ENOX1: variants seen among roughly 807,000 people sequenced by gnomAD.
The protein encoded by ENOX1 is candidate growth-related and time keeping constitutive hydroquinone (NADH) oxidase.
In ENOX1, 42 loss-of-function variants were observed where a neutral mutation model predicts 82.5. The ratio of observed to expected loss-of-function variants is 0.51; its 90% CI spans 0.40 to 0.66. The LOEUF is 0.66. Ranked by LOEUF, ENOX1 falls within the 30% of genes least tolerant of loss-of-function variation. ENOX1 has a pLI of 0.00. For synonymous variants in ENOX1, 271 were observed against 282.2 expected (o/e 0.96, Z 0.40); for missense variants, 608 against 811.6 (o/e 0.75, Z 3.05).
intron 2 of ENOX1, among the ~76,000 whole-genome samples, chr13:43,553,623 C>T (rs1335399575): frequency 1.3e-5 from 2 of 152,136 alleles, no homozygotes; most frequent in Non-Finnish European, 2.9e-5. Context: ...GGATAATGAA[C>T]AAACAAAAAG....
At chr13:43,651,286 C>G (rs1385945010) in intron 2 of ENOX1, among the ~76,000 whole-genome samples, 1 of 151,922 alleles carries the variant, frequency 6.6e-6, no homozygotes, top group African/African-American at 2.4e-5. Context: ...AGAAGAGGAA[C>G]AGGGATGAAG....
chr13:43,641,986 C>T (rs984126328), intron 2 of ENOX1, among the ~76,000 whole-genome samples: 1 of 152,144 alleles, frequency 6.6e-6, no homozygotes, highest in Admixed American at 6.5e-5. Context: ...TGACTACTTA[C>T]TACGTAACAC....
intron 2 of ENOX1, among the ~76,000 whole-genome samples, chr13:43,580,087 A>G (rs773351431): frequency 6.6e-6 from 1 of 152,212 alleles, no homozygotes; most frequent in Non-Finnish European, 1.5e-5. Flanking sequence ...CCAGGTGCAG[A>G]CTTGAGAATG....
At chr13:43,357,106 G>C (rs2050205925) in intron 7 of ENOX1, among the ~76,000 whole-genome samples, 1 of 152,258 alleles carries the variant, frequency 6.6e-6, no homozygotes, top group South Asian at 2.1e-4. Flanking sequence ...CTTCAGTTTG[G>C]GGTACTCAGA....
chr13:43,668,489 C>CT (rs2153789366), intron 1 of ENOX1, among the ~76,000 whole-genome samples: 1 of 152,324 alleles, frequency 6.6e-6, no homozygotes, highest in East Asian at 1.9e-4. Flanking sequence ...GGCTAAATCT[C>CT]TTTTCTTTCC....
chr13:43,314,462 C>A (rs889527585), intron 11 of ENOX1, among the ~76,000 whole-genome samples: 2 of 152,240 alleles, frequency 1.3e-5, no homozygotes, highest in African/African-American at 4.8e-5. Context: ...CTAGCATCTT[C>A]AAGTCTTCGA....
chr13:43,300,056 G>T (rs1261676631), intron 11 of ENOX1, among the ~76,000 whole-genome samples: 1 of 152,116 alleles, frequency 6.6e-6, no homozygotes, highest in Non-Finnish European at 1.5e-5. Flanking sequence ...ACTCCATCTT[G>T]CAAAATGATA....
chr13:43,410,976 G>C (rs1478901176), intron 5 of ENOX1, among the ~76,000 whole-genome samples: 5 of 152,120 alleles, frequency 3.3e-5, no homozygotes, highest in Non-Finnish European at 7.3e-5. Context: ...ACCAGACAGC[G>C]GCTCAATGAG....
chr13:43,630,245 AAGAAC>A (rs1228797768), intron 2 of ENOX1, among the ~76,000 whole-genome samples: 1 of 152,176 alleles, frequency 6.6e-6, no homozygotes, highest in African/African-American at 2.4e-5. Flanking sequence ...TTGCATGTGT[AAGAAC>A]TAAGGTTGAG....
intron 4 of ENOX1, 152 bp downstream of exon 4, chr13:43,412,693 T>C: frequency 4.1e-6 from 3 of 725,054 alleles, no homozygotes; most frequent in South Asian, 2.5e-5. Context: ...AAATTTGACT[T>C]AGTGCTCTTT....
At chr13:43,770,110 T>C (rs1467952450) in intron 1 of ENOX1, among the ~76,000 whole-genome samples, 1 of 152,226 alleles carries the variant, frequency 6.6e-6, no homozygotes, top group Non-Finnish European at 1.5e-5. Flanking sequence ...TATCAGTAAA[T>C]CTAGAGTAAA....
chr13:43,585,053 A>G (rs2080916832), intron 2 of ENOX1, among the ~76,000 whole-genome samples: 1 of 152,216 alleles, frequency 6.6e-6, no homozygotes, highest in Non-Finnish European at 1.5e-5. Flanking sequence ...GATTATGCAG[A>G]TGTGATTAGG....
intron 14 of ENOX1, among the ~76,000 whole-genome samples, chr13:43,250,780 G>A (rs918668026): frequency 8.0e-4 from 122 of 152,154 alleles, no homozygotes; most frequent in African/African-American, 2.9e-3. Context: ...GGAGTCTATA[G>A]GGCAGCCAGC....
chr13:43,414,754 T>C (rs1594438566), intron 3 of ENOX1, among the ~76,000 whole-genome samples: 1 of 152,324 alleles, frequency 6.6e-6, no homozygotes, highest in African/African-American at 2.4e-5. Flanking sequence ...AAATGAAGTT[T>C]AGTGGCTAGC....
chr13:43,258,911 C>T (rs1440926551), intron 14 of ENOX1, among the ~76,000 whole-genome samples: 1 of 152,146 alleles, frequency 6.6e-6, no homozygotes, highest in Admixed American at 6.5e-5. Context: ...GAGAATGAGG[C>T]CTGATGGAAT....
At chr13:43,627,023 T>G (rs2082994189) in intron 2 of ENOX1, among the ~76,000 whole-genome samples, 1 of 152,012 alleles carries the variant, frequency 6.6e-6, no homozygotes, top group South Asian at 2.1e-4. Flanking sequence ...GATTGACCTT[T>G]GCATCATTAT....
chr13:43,265,501 C>T, intron 13 of ENOX1, 47 bp from the exon 14 acceptor site: 2 of 1,505,092 alleles, frequency 1.3e-6, no homozygotes, highest in East Asian at 2.3e-5. Context: ...AATGAATAAG[C>T]AAGCAAATCT....
At chr13:43,570,548 A>G (rs1240632571) in intron 2 of ENOX1, among the ~76,000 whole-genome samples, 4 of 152,194 alleles carry the variant, frequency 2.6e-5, no homozygotes, top group Non-Finnish European at 4.4e-5. Context: ...GCATCTCATA[A>G]TGGTTAAGTG....
intron 16 of ENOX1, among the ~76,000 whole-genome samples, chr13:43,214,622 T>G (rs2041368894): frequency 6.6e-6 from 1 of 152,232 alleles, no homozygotes; most frequent in Non-Finnish European, 1.5e-5. Context: ...ATAAAGCTTT[T>G]GGAATGGAAT....
Sources: gnomAD v4.1 joint callset for allele counts (sites outside exome capture counted in the v4.1 genomes callset) on GRCh38, gnomAD v4.1.1 for gene constraint, MANE v1.5 for transcripts, NCBI Gene and HGNC (gene_info 2026-07-23, HGNC 2026-07-21) for gene names.